DENND2A: variants seen among roughly 807,000 people sequenced by gnomAD.
DENND2A encodes DENN domain containing 2A, also known as DENN domain-containing protein 2A.
DENND2A carries 53 observed loss-of-function variants against 105.3 expected under a neutral mutation model. The observed-to-expected ratio is 0.50, with a 90% CI of 0.40 to 0.63. DENND2A has a LOEUF of 0.63. Ranked by LOEUF, DENND2A falls within the 30% of genes least tolerant of loss-of-function variation. The pLI, the probability that DENND2A is intolerant of heterozygous loss-of-function variation, is 0.00. For synonymous variants in DENND2A, 522 were observed against 508.4 expected (o/e 1.03, Z -0.36); for missense variants, 1,138 against 1,279.6 (o/e 0.89, Z 1.69).
intron 3 of DENND2A, among the ~76,000 whole-genome samples, chr7:140,597,316 A>G (rs1394730306): frequency 2.0e-5 from 3 of 152,138 alleles, no homozygotes; most frequent in African/African-American, 7.2e-5. Flanking sequence ...ATCCTTAATC[A>G]TTTCTTTCTT....
At chr7:140,564,834 G>A (rs1035889534) in intron 9 of DENND2A, among the ~76,000 whole-genome samples, 2 of 152,184 alleles carry the variant, frequency 1.3e-5, no homozygotes, top group African/African-American at 4.8e-5. Context: ...CCAAGGCAAT[G>A]AACAGGATAG....
intron 14 of DENND2A, among the ~76,000 whole-genome samples, chr7:140,533,981 T>C (rs567441007): frequency 2.6e-5 from 4 of 152,178 alleles, no homozygotes; most frequent in African/African-American, 9.6e-5. Context: ...TGGCACGATC[T>C]TGGCTCATTG....
chr7:140,544,902 G>A, intron 13 of DENND2A, 136 bp from the exon 14 acceptor site: 1 of 1,439,788 alleles, frequency 6.9e-7, no homozygotes, highest in Non-Finnish European at 9.1e-7. Context: ...AAGAAAAAAA[G>A]CAAAACAAAA....
rs55633923 is a variant in DENND2A, at chr7:140,610,142, A to T, written c.-247-4336T>A. On this transcript the variant is annotated intron_variant, in intron 1 of 19. Coordinates refer to ENST00000496613, the MANE Select transcript of DENND2A (RefSeq NM_015689.5). The stretch of plus-strand genomic sequence containing the variant: ...CACCACATGTGGCTAATTAAAAAAA[A>T]TTTTTTTTAGTAGAGATGGGGTTTC... 1.1e-3 allele frequency among the ~76,000 whole-genome samples: 131 copies of T among 117,296 alleles called. 1 individual carries two copies. Among genetic ancestry groups the T allele is most frequent in the African/African-American group, 4.7e-3 (108 of 23,040 alleles). 77.0% of individuals were successfully genotyped at this position (117,296 alleles called of 152,430 possible). A position where few individuals can be genotyped will look rare whatever the true frequency, so the allele number is the denominator to read the frequency against.
rs977910211 is a variant in DENND2A, at chr7:140,519,924, T to G, written c.2912-206A>C. Among the ~76,000 whole-genome samples, 9 of 152,294 alleles carry G rather than the reference T, an allele frequency of 5.9e-5. No homozygotes were observed. In the East Asian group the frequency reaches 1.7e-3, roughly 29 times the overall value. ...TGCAGTAACTCCCTTTGGAAAGCTATAAAGCCACCTCATAGATGAAATCCT... is the reference window on the plus strand; with the variant it reads ...TGCAGTAACTCCCTTTGGAAAGCTAGAAAGCCACCTCATAGATGAAATCCT... On this transcript the variant is annotated intron_variant, in intron 18 of 19. Transcript: ENST00000496613.
chr7:140,574,261 C>T (rs145326901), intron 5 of DENND2A, among the ~76,000 whole-genome samples: 14 of 152,186 alleles, frequency 9.2e-5, no homozygotes, highest in African/African-American at 1.7e-4. Context: ...CTCTGTCACC[C>T]GGGCTGGAGT....
At chr7:140,579,142 A>G (rs892184531) in intron 5 of DENND2A, among the ~76,000 whole-genome samples, 2 of 151,394 alleles carry the variant, frequency 1.3e-5, no homozygotes, top group Non-Finnish European at 1.5e-5. Context: ...AAAATACAAA[A>G]ATTAGCTGGG....
intron 3 of DENND2A, among the ~76,000 whole-genome samples, chr7:140,588,411 C>T (rs1349575764): frequency 6.6e-6 from 1 of 152,060 alleles, no homozygotes; most frequent in Non-Finnish European, 1.5e-5. Flanking sequence ...CAGGGACTGT[C>T]TATACTATTT....
intron 14 of DENND2A, among the ~76,000 whole-genome samples, chr7:140,542,082 C>T (rs181481205): frequency 2.6e-5 from 4 of 152,136 alleles, no homozygotes; most frequent in African/African-American, 9.6e-5. Flanking sequence ...TGCTTCTTTC[C>T]AGATGGACTT....
intron 17 of DENND2A, 68 bp from the exon 18 acceptor site, chr7:140,522,168 G>A: frequency 1.3e-6 from 2 of 1,574,028 alleles, no homozygotes; most frequent in African/African-American, 1.4e-5. Flanking sequence ...CTTGAGACAA[G>A]CCAATTGGTA....
intron 6 of DENND2A, among the ~76,000 whole-genome samples, chr7:140,570,563 C>A (rs1208723430): frequency 6.6e-6 from 1 of 152,212 alleles, no homozygotes; most frequent in African/African-American, 2.4e-5. Flanking sequence ...GGAGTGGTGC[C>A]ATGCACCCGA....
At position 140,525,769 on chromosome 7, in the gene DENND2A, G is replaced by T; in HGVS notation, c.2529C>A (p.Asn843Lys). The T allele has an allele frequency of 1.2e-6, 2 of 1,606,364 alleles. No individual in the cohort carries two copies. Among genetic ancestry groups the T allele is most frequent in the Middle Eastern group, 3.3e-4 (2 of 6,040 alleles). The part of the protein sequence containing the change: ...LEEVLVVDLV[N>K]SRFLRQMDDE... ...CACTCACCTGTCTGAGGAACCGGCTGTTGACGAGGTCAACCACAAGGACCT... is the reference window on the plus strand; with the variant it reads ...CACTCACCTGTCTGAGGAACCGGCTTTTGACGAGGTCAACCACAAGGACCT... The change falls in exon 16 of 20, where the codon AAC (asparagine) becomes AAA (lysine). Residue 843 changes from asparagine to lysine, a missense_variant. Asn to Lys is a moderately conservative substitution (Grantham distance 94). This residue lies in a region of DENND2A where 627 missense variants were observed against 779.8 expected (regional missense o/e 0.80). Transcript: ENST00000496613.
chr7:140,521,756 T>C, intron 18 of DENND2A, 99 bp downstream of exon 18: 1 of 1,543,008 alleles, frequency 6.5e-7, no homozygotes, highest in South Asian at 1.2e-5. Flanking sequence ...CACAGTCCTG[T>C]CTGTGCCCCT....
At chr7:140,535,735 C>G (rs1410762398) in intron 14 of DENND2A, among the ~76,000 whole-genome samples, 2 of 152,048 alleles carry the variant, frequency 1.3e-5, no homozygotes, top group Non-Finnish European at 2.9e-5. Flanking sequence ...GCATGTGCCA[C>G]CATGCCCAGC....
At chr7:140,641,448 G>T (rs1455455710), upstream of DENND2A, 4 of 152,248 alleles carry the variant, frequency 2.6e-5, no homozygotes, top group Non-Finnish European at 5.9e-5. Context: ...GCAGAAGTCC[G>T]CAGGGAAATG....
intron 2 of DENND2A, among the ~76,000 whole-genome samples, chr7:140,604,918 A>G (rs1013112749): frequency 6.6e-6 from 1 of 152,242 alleles, no homozygotes; most frequent in African/African-American, 2.4e-5. Flanking sequence ...CTCAAAGTAC[A>G]GCATACTTTC....
rs549429200 is a variant in DENND2A at position 140,640,483 on chromosome 7, C to G, written c.-248+21G>C. On this transcript the variant is annotated intron_variant, in intron 1 of 19. Transcript: ENST00000496613. This position sits in a 1 kb window ranked among gnomAD's most constrained non-coding sequence, Gnocchi z 4.9. ...CCCTCCCCAGCTCGACCCTGCACCC[C>G]CTGGCCCGGCCCGGCCCTACCTCCC... The G allele has an allele frequency of 6.6e-6, 1 of 151,842 alleles. No individual in the cohort carries two copies. The highest frequency in any genetic ancestry group is 2.1e-4 in the South Asian group (1 of 4,872). The allele number at this position is 151,842 out of a possible 1,614,324, so 9.4% of individuals were successfully genotyped here. A position where few individuals can be genotyped will look rare whatever the true frequency, so the allele number is the denominator to read the frequency against.
intron 16 of DENND2A, among the ~76,000 whole-genome samples, chr7:140,524,066 G>A (rs2130457610): frequency 6.6e-6 from 1 of 152,300 alleles, no homozygotes; most frequent in Middle Eastern, 3.4e-3. Context: ...CTGGTAACCA[G>A]GGGATTCTGG....
rs367598318 is a variant in DENND2A at position 140,569,721 on chromosome 7, G to A, written c.1464C>T (p.Asn488=). The A allele has an allele frequency of 1.6e-5, 26 of 1,612,978 alleles. No homozygotes were observed. Among genetic ancestry groups the A allele is most frequent in the South Asian group, 4.4e-5 (4 of 91,062 alleles). The change falls in exon 7 of 20, where the codon AAC becomes AAT. Residue 488 remains asparagine (N), a synonymous_variant. Transcript: ENST00000496613. ...RKIPKLVLRI[N]AIYEVRRGKK... ...TTCCTCTCCGGACCTCATAAATGGC[G>A]TTGATTCGCAACACCAGCTGCCAGA... is the stretch of plus-strand genomic sequence containing the variant.
Sources: allele counts gnomAD v4.1 joint callset (sites outside exome capture counted in the v4.1 genomes callset), GRCh38; gene constraint gnomAD v4.1.1; regional missense constraint gnomAD v4.1.1; non-coding constraint Gnocchi (gnomAD v3.1); transcripts MANE v1.5; gene names NCBI Gene and HGNC (gene_info 2026-07-23, HGNC 2026-07-21).